GLI3: variants seen among roughly 807,000 people sequenced by gnomAD.
GLI3 encodes the protein GLI family zinc finger 3.
Under a neutral mutation model 100.8 loss-of-function variants are expected in GLI3, and 20 were observed. The observed-to-expected ratio is 0.20, with a 90% CI of 0.14 to 0.29. GLI3 has a LOEUF of 0.29. Among genes scored for constraint, GLI3 ranks in the 10% least tolerant of loss-of-function variants. GLI3 has a pLI of 1.00. For synonymous variants in GLI3, 938 were observed against 860.5 expected, an observed-to-expected ratio of 1.09 and a Z score of -1.58; for missense variants, 2,040 against 2,128.5, an observed-to-expected ratio of 0.96 and a Z score of 0.82.
At chr7:42,055,539 C>T (rs1045632787) in intron 4 of GLI3, among the ~76,000 whole-genome samples, 6 of 152,072 alleles carry the variant, frequency 3.9e-5, no homozygotes, top group East Asian at 1.9e-4. Context: ...TCCTGGTGGG[C>T]GAGCCCTCCT....
At chr7:41,999,593 C>T (rs1788228336) in intron 10 of GLI3, among the ~76,000 whole-genome samples, 1 of 152,146 alleles carries the variant, frequency 6.6e-6, no homozygotes, top group Admixed American at 6.5e-5. Context: ...GGCCCTGAAG[C>T]TCTCTGTGGT....
rs1784292425 is a variant in GLI3 at position 42,048,574 on chromosome 7, G to A, written c.596C>T (p.Pro199Leu). The change falls in exon 5 of 15, where the codon CCC (proline) becomes CTC (leucine). Residue 199 changes from proline (P) to leucine (L), a missense_variant. Pro to Leu is a moderately conservative substitution (Grantham distance 98). Around this residue, in one of 5 missense-constraint regions of GLI3, gnomAD observed 603 missense variants for 690.9 expected, o/e 0.87. Coordinates refer to ENST00000395925, the MANE Select transcript of GLI3 (RefSeq NM_000168.6). ...PFSPPHPYIN[P>L]YMDYIRSLHS... ...CAAGGAGCGGATATAGTCCATGTAG[G>A]GATTAATGTAGGGATGTGGAGGGCT... The A allele has an allele frequency of 2.5e-6, 4 of 1,612,658 alleles. No homozygotes were observed. Among genetic ancestry groups the A allele is most frequent in the Non-Finnish European group, 3.4e-6 (4 of 1,179,432 alleles).
intron 1 of GLI3, among the ~76,000 whole-genome samples, chr7:42,236,068 T>C (rs143659525): frequency 0.027 from 3,977 of 149,392 alleles, 58 homozygotes; most frequent in South Asian, 0.04. Flanking sequence ...CAGAAGGAGG[T>C]GCAATGGGGG....
At chr7:42,035,262 A>G (rs942175384) in intron 7 of GLI3, among the ~76,000 whole-genome samples, 1 of 152,194 alleles carries the variant, frequency 6.6e-6, no homozygotes, top group African/African-American at 2.4e-5. Context: ...GTGTTTACTA[A>G]GCACAGAGCC....
At chr7:41,986,575 A>G (rs911109080) in intron 10 of GLI3, among the ~76,000 whole-genome samples, 35 of 152,226 alleles carry the variant, frequency 2.3e-4, no homozygotes, top group Admixed American at 9.2e-4. Context: ...AAATGAAAGA[A>G]GCCAGTCCAA....
intron 3 of GLI3, among the ~76,000 whole-genome samples, chr7:42,108,065 G>C (rs550653138): frequency 2.1e-5 from 3 of 140,986 alleles, no homozygotes; most frequent in African/African-American, 7.3e-5. Flanking sequence ...GAGTCAAAAG[G>C]AATCTCCTGG....
intron 3 of GLI3, among the ~76,000 whole-genome samples, chr7:42,129,975 T>A (rs1376503130): frequency 6.6e-6 from 1 of 152,102 alleles, no homozygotes; most frequent in Non-Finnish European, 1.5e-5. Context: ...TGAACTTTCC[T>A]GGGAAAGTGA....
intron 2 of GLI3, chr7:42,152,339 C>G: frequency 1.1e-6 from 1 of 941,390 alleles, no homozygotes; most frequent in Non-Finnish European, 1.3e-6. Flanking sequence ...TATAAGAGAA[C>G]AGACAATACT....
chr7:42,132,202 G>A (rs1583584934), intron 3 of GLI3, among the ~76,000 whole-genome samples: 1 of 151,870 alleles, frequency 6.6e-6, no homozygotes, highest in South Asian at 2.1e-4. Flanking sequence ...CTGGGTTCAC[G>A]CCATTCTCCT....
At chr7:42,200,780 A>G (rs1252155134) in intron 2 of GLI3, among the ~76,000 whole-genome samples, 1 of 148,918 alleles carries the variant, frequency 6.7e-6, no homozygotes, top group African/African-American at 2.5e-5. Flanking sequence ...GAGACAGAAG[A>G]CTCTCCTTTA....
At chr7:42,060,721 A>T (rs1437635312) in intron 4 of GLI3, among the ~76,000 whole-genome samples, 1 of 152,192 alleles carries the variant, frequency 6.6e-6, no homozygotes, top group Non-Finnish European at 1.5e-5. Context: ...ATAGAAAAAT[A>T]TTGACACCCA....
upstream of GLI3, among the ~76,000 whole-genome samples, chr7:42,237,538 C>T (rs958923555): frequency 6.6e-6 from 1 of 151,672 alleles, no homozygotes; most frequent in African/African-American, 2.4e-5. Flanking sequence ...GCTCCCCTCC[C>T]GCGCGCTCCC....
At chr7:42,196,189 C>T (rs1787924683) in intron 2 of GLI3, among the ~76,000 whole-genome samples, 1 of 152,172 alleles carries the variant, frequency 6.6e-6, no homozygotes, top group Non-Finnish European at 1.5e-5. Flanking sequence ...CATGGTCCTA[C>T]AAAATGGGAA....
At chr7:42,262,362 C>A (rs577939856) in intron 1 of GLI3, among the ~76,000 whole-genome samples, 1 of 151,860 alleles carries the variant, frequency 6.6e-6, no homozygotes, top group Admixed American at 6.6e-5. Flanking sequence ...TAGGCTCAAG[C>A]GGTCCTCCCA....
At position 42,223,226 on chromosome 7, in the gene GLI3, T is replaced by C. The variant is rs1554341698; in HGVS notation, c.28A>G (p.Thr10Ala). The change falls in exon 2 of 15, where the codon ACC becomes GCC. Residue 10 changes from threonine to alanine, a missense_variant. Thr to Ala is a moderately conservative substitution (Grantham distance 58). Around this residue, in one of 5 missense-constraint regions of GLI3, gnomAD observed 603 missense variants for 690.9 expected, o/e 0.87. Coordinates refer to ENST00000395925, the MANE Select transcript of GLI3 (RefSeq NM_000168.6). Reference sequence around the variant, plus strand: ...TTCTCAACTTTTTTCTTTTCAGTGGTCGTGGAGCTGTGGGACTGGGCCTCC... The same window carrying C: ...TTCTCAACTTTTTTCTTTTCAGTGGCCGTGGAGCTGTGGGACTGGGCCTCC... MEAQSHSST[T>A]TEKKKVENSI... 6.2e-7 allele frequency: 1 copy of C among 1,613,640 alleles called. No individual in the cohort carries two copies. The highest frequency in any genetic ancestry group is 1.3e-5 in the African/African-American group (1 of 74,866).
chr7:42,116,863 G>T (rs1226150748), intron 3 of GLI3, among the ~76,000 whole-genome samples: 1 of 151,648 alleles, frequency 6.6e-6, no homozygotes, highest in Non-Finnish European at 1.5e-5. Flanking sequence ...TCATAAGACC[G>T]AGGGTGTCCT....
chr7:42,257,238 A>G (rs928671495), intron 1 of GLI3, among the ~76,000 whole-genome samples: 2 of 152,048 alleles, frequency 1.3e-5, no homozygotes, highest in Non-Finnish European at 2.9e-5. Context: ...AGATACCACT[A>G]AATTTTTTTT....
chr7:42,213,251 A>G (rs1029280300), intron 2 of GLI3, among the ~76,000 whole-genome samples: 1 of 152,228 alleles, frequency 6.6e-6, no homozygotes, highest in African/African-American at 2.4e-5. Flanking sequence ...GCTACTCTAC[A>G]TTGGCCAAGA....
intron 2 of GLI3, among the ~76,000 whole-genome samples, chr7:42,209,234 A>G (rs1389890408): frequency 6.6e-6 from 1 of 151,974 alleles, no homozygotes; most frequent in Non-Finnish European, 1.5e-5. Context: ...ATTTTTTTGT[A>G]GAGACAGGGT....
Sources: allele counts gnomAD v4.1 joint callset (sites outside exome capture counted in the v4.1 genomes callset), GRCh38; gene constraint gnomAD v4.1.1; regional missense constraint gnomAD v4.1.1; transcripts MANE v1.5; gene names NCBI Gene and HGNC (gene_info 2026-07-23, HGNC 2026-07-21).